The following TRHR variants were observed in gnomAD, a reference collection of about 807,000 sequenced individuals.
TRHR encodes thyrotropin-releasing hormone receptor.
TRHR carries 14 observed loss-of-function variants against 28.0 expected under a neutral mutation model. That is an observed-to-expected ratio of 0.50 (90% confidence interval 0.33 to 0.78). TRHR has a LOEUF of 0.78. Among genes scored for constraint, TRHR ranks in the 30% least tolerant of loss-of-function variants. TRHR has a pLI of 0.02. For missense variants in TRHR, 438 were observed against 469.5 expected (o/e 0.93, Z 0.62); for synonymous variants, 176 against 171.9 (o/e 1.02, Z -0.18).
intron 2 of TRHR, among the ~76,000 whole-genome samples, chr8:109,093,856 T>A (rs1474731906): frequency 1.1e-3 from 156 of 140,864 alleles, no homozygotes; most frequent in African/African-American, 3.8e-3. Context: ...CCAACTCATT[T>A]AAAAAAAAAA....
chr8:109,096,241 G>A (rs1674272218), intron 2 of TRHR, among the ~76,000 whole-genome samples: 1 of 152,150 alleles, frequency 6.6e-6, no homozygotes, highest in South Asian at 2.1e-4. Context: ...CTGGAACACT[G>A]TTCATCTTGC....
At chr8:109,095,610 C>T (rs1811577008) in intron 2 of TRHR, among the ~76,000 whole-genome samples, 1 of 152,160 alleles carries the variant, frequency 6.6e-6, no homozygotes, top group African/African-American at 2.4e-5. Flanking sequence ...ATGCTTACAA[C>T]TTTCACCTGA....
chr8:109,089,382 A>G lies in TRHR; in HGVS notation c.789+1081A>G, dbSNP rs560043926. Among the ~76,000 whole-genome samples, 13 of 98,784 alleles carry G rather than the reference A, an allele frequency of 1.3e-4. No homozygotes were observed. The South Asian group carries it at 4.8e-3, about 37-fold the overall frequency. The allele number at this position is 98,784 out of a possible 152,430, so 64.8% of individuals were successfully genotyped here. A position where few individuals can be genotyped will look rare whatever the true frequency, so the allele number is the denominator to read the frequency against. On this transcript the variant is annotated intron_variant, in intron 2 of 2. Coordinates refer to ENST00000518632, the MANE Select transcript of TRHR (RefSeq NM_003301.7). Reference sequence around the variant, plus strand: ...AGAAACTGAGTGTACTTTGTAAAAAAGTATACATATAATCATTCACACTGT... The same window carrying G: ...AGAAACTGAGTGTACTTTGTAAAAAGGTATACATATAATCATTCACACTGT...
Position 109,087,600 on chromosome 8 carries a change from T to C in TRHR, c.88T>C (p.Leu30=). The change falls in exon 2 of 3, where the codon TTA becomes CTA. Residue 30 remains leucine, a synonymous_variant. Transcript: ENST00000518632. ...CTTAGAATACCAGGTGGTCACCATCTTACTTGTACTCATTATTTGTGGCCT... is the reference window on the plus strand; with the variant it reads ...CTTAGAATACCAGGTGGTCACCATCCTACTTGTACTCATTATTTGTGGCCT... ...VALEYQVVTI[L]LVLIICGLGI... The C allele has an allele frequency of 6.2e-7, 1 of 1,614,218 alleles. No homozygotes were observed. The highest frequency in any genetic ancestry group is 1.1e-5 in the South Asian group (1 of 91,092).
rs149542044 is a variant in TRHR at position 109,102,697 on chromosome 8, T to C, written c.789+14396T>C. 2.6e-5 allele frequency among the ~76,000 whole-genome samples: 4 copies of C among 152,190 alleles called. No homozygotes were observed. In the East Asian group the frequency reaches 5.8e-4, roughly 22 times the overall value. Reference sequence around the variant, plus strand: ...AGGGTAATGGCAAGGAGAAAAGGCATGGCTGTTCATTGTGGGAAATGTAAG... The same window carrying C: ...AGGGTAATGGCAAGGAGAAAAGGCACGGCTGTTCATTGTGGGAAATGTAAG... On this transcript the variant is annotated intron_variant, in intron 2 of 2. Coordinates refer to ENST00000518632, the MANE Select transcript of TRHR (RefSeq NM_003301.7).
chr8:109,119,025 C>T, intron 2 of TRHR, 23 bp from the exon 3 acceptor site: 2 of 1,612,186 alleles, frequency 1.2e-6, no homozygotes, highest in Non-Finnish European at 1.7e-6. Context: ...GTTTGTACAG[C>T]ATTTCTCTCT....
intron 2 of TRHR, among the ~76,000 whole-genome samples, chr8:109,091,830 T>C (rs572036145): frequency 6.6e-6 from 1 of 152,376 alleles, no homozygotes; most frequent in Admixed American, 6.5e-5. Flanking sequence ...ACGGATTATC[T>C]GACTAAATAC....
chr8:109,088,290 T>C lies in TRHR; in HGVS notation c.778T>C (p.Ser260Pro). 6 of 1,613,622 alleles carry C rather than the reference T, an allele frequency of 3.7e-6. No homozygotes were observed. Among genetic ancestry groups the C allele is most frequent in the Non-Finnish European group, 5.1e-6 (6 of 1,179,990 alleles). ...SNRCFNSTVS[S>P]RKQVTKMLAV... ...TAGATGTTTCAACAGCACAGTATCT[T>C]CAAGGAAGCAGGTAAGCAAAACTGA... The change falls in exon 2 of 3, where the codon TCA becomes CCA. Residue 260 changes from serine (S) to proline (P), a missense_variant. Transcript: ENST00000518632.
rs745344271 is a variant in TRHR, at chr8:109,119,240, C to T, written c.982C>T (p.Arg328Cys). 9 of 1,612,700 alleles carry T rather than the reference C, an allele frequency of 5.6e-6. No individual in the cohort carries two copies. Among genetic ancestry groups the T allele is most frequent in the African/African-American group, 2.7e-5 (2 of 74,724 alleles). The change falls in exon 3 of 3, where the codon CGT becomes TGT. Residue 328 changes from arginine (R) to cysteine (C), a missense_variant. Coordinates refer to ENST00000518632, the MANE Select transcript of TRHR (RefSeq NM_003301.7). ...TTACAATCTCATGTCCCAGAAATTC[C>T]GTGCAGCCTTCAGAAAGCTCTGCAA... ...VIYNLMSQKF[R>C]AAFRKLCNCK...
rs1811456262 is a variant in TRHR, at chr8:109,087,680, G to A, written c.168G>A (p.Met56Ile). ...TGGTTGTCATGAGAACCAAGCACAT[G>A]AGGACCCCCACAAACTGCTACCTGG... ...VVLVVMRTKHMRTPTNCYLVS... is the reference protein window; with the variant it reads ...VVLVVMRTKHIRTPTNCYLVS... Residue 56 changes from methionine to isoleucine, a missense_variant, in exon 2 of 3, where the codon ATG (methionine) becomes ATA (isoleucine). Transcript: ENST00000518632. 1.9e-6 allele frequency: 3 copies of A among 1,613,978 alleles called. No homozygotes were observed. The highest frequency in any genetic ancestry group is 3.3e-5 in the Admixed American group (2 of 59,990).
intron 2 of TRHR, among the ~76,000 whole-genome samples, chr8:109,096,124 C>T (rs1443789885): frequency 6.6e-6 from 1 of 152,166 alleles, no homozygotes; most frequent in Non-Finnish European, 1.5e-5. Context: ...GAGCTTGTCC[C>T]TTTCCTACAT....
chr8:109,104,749 T>G (rs1443484825), intron 2 of TRHR, among the ~76,000 whole-genome samples: 1 of 152,058 alleles, frequency 6.6e-6, no homozygotes, highest in Non-Finnish European at 1.5e-5. Context: ...AGGTGATTTC[T>G]ACAACCCTCA....
rs1811998265 is a variant in TRHR, at chr8:109,120,862, T to A, written c.*1407T>A. Among the ~76,000 whole-genome samples, 1 of 151,596 alleles carries A rather than the reference T, an allele frequency of 6.6e-6. No homozygotes were observed. Among genetic ancestry groups the A allele is most frequent in the Non-Finnish European group, 1.5e-5 (1 of 67,734 alleles). On this transcript the variant is annotated 3_prime_UTR_variant, in exon 3 of 3. Coordinates refer to ENST00000518632, the MANE Select transcript of TRHR (RefSeq NM_003301.7). ...TGGTTCAGTAGTCATTGATTTTTAATGAGTAGATCAAAAAAGTACCCATAC... is the reference window on the plus strand; with the variant it reads ...TGGTTCAGTAGTCATTGATTTTTAAAGAGTAGATCAAAAAAGTACCCATAC...
chr8:109,116,421 CCTT>C (rs1356466311), intron 2 of TRHR, among the ~76,000 whole-genome samples: 1 of 152,066 alleles, frequency 6.6e-6, no homozygotes, highest in African/African-American at 2.4e-5. Flanking sequence ...GGCTGTGAAT[CCTT>C]CTGCTCCTGG....
chr8:109,113,423 A>G (rs1245300117), intron 2 of TRHR, among the ~76,000 whole-genome samples: 1 of 152,092 alleles, frequency 6.6e-6, no homozygotes, highest in Non-Finnish European at 1.5e-5. Context: ...TACCTGATGT[A>G]TTCCTCAAAA....
intron 2 of TRHR, among the ~76,000 whole-genome samples, chr8:109,095,004 GT>G (rs79904190): frequency 2.7e-4 from 39 of 144,484 alleles, no homozygotes; most frequent in African/African-American, 3.0e-4. Context: ...TCTCCTTTAG[GT>G]TTTTTTTTTT....
chr8:109,091,597 A>G (rs1811517520), intron 2 of TRHR, among the ~76,000 whole-genome samples: 1 of 152,204 alleles, frequency 6.6e-6, no homozygotes, highest in Non-Finnish European at 1.5e-5. Context: ...CCTAAAAGAG[A>G]AACATTTAAA....
chr8:109,094,408 C>T (rs941819923), intron 2 of TRHR, among the ~76,000 whole-genome samples: 11 of 151,980 alleles, frequency 7.2e-5, no homozygotes, highest in East Asian at 5.8e-4. Flanking sequence ...CACACTGCTG[C>T]GCCCAGCTTA....
In TRHR at chr8:109,120,458, T is replaced by G. The variant is rs1811991598; in HGVS notation, c.*1003T>G. Among the ~76,000 whole-genome samples the G allele has an allele frequency of 6.6e-6, 1 of 151,752 alleles. No individual in the cohort carries two copies. The highest frequency in any genetic ancestry group is 2.1e-4 in the South Asian group (1 of 4,828). On this transcript the variant is annotated 3_prime_UTR_variant, in exon 3 of 3. Coordinates refer to ENST00000518632, the MANE Select transcript of TRHR (RefSeq NM_003301.7). The stretch of plus-strand genomic sequence containing the variant: ...TATTCTAAGTCAGCCAAAATCCTGG[T>G]ATCCCTCTTCCAGATAAAGAGCTCC...
Sources: allele counts gnomAD v4.1 joint callset (sites outside exome capture counted in the v4.1 genomes callset), GRCh38; gene constraint gnomAD v4.1.1; transcripts MANE v1.5; gene names NCBI Gene and HGNC (gene_info 2026-07-23, HGNC 2026-07-21).